ADAMTS17: variants seen among roughly 807,000 people sequenced by gnomAD.
The protein encoded by ADAMTS17 is ADAM metallopeptidase with thrombospondin type 1 motif 17.
A neutral mutation model predicts 141.5 loss-of-function variants in ADAMTS17; 113 were observed. The ratio of observed to expected loss-of-function variants is 0.80; its 90% CI spans 0.69 to 0.93. The LOEUF (loss-of-function observed/expected upper bound fraction) is 0.93. Among genes scored for constraint, ADAMTS17 ranks in the 40% least tolerant of loss-of-function variants. The pLI, the probability that ADAMTS17 is intolerant of heterozygous loss-of-function variation, is 0.00. For synonymous variants in ADAMTS17, 768 were observed against 630.6 expected, an observed-to-expected ratio of 1.22 and a Z score of -3.27; for missense variants, 1,659 against 1,517.9, an observed-to-expected ratio of 1.09 and a Z score of -1.54.
chr15:100,287,899 AC>A (rs2044498101), intron 3 of ADAMTS17, among the ~76,000 whole-genome samples: 2 of 152,266 alleles, frequency 1.3e-5, no homozygotes, highest in South Asian at 4.1e-4. Flanking sequence ...AATGGCCACC[AC>A]AAAAACGCAC....
intron 18 of ADAMTS17, among the ~76,000 whole-genome samples, chr15:100,001,671 T>C (rs1348874851): frequency 6.6e-6 from 1 of 151,994 alleles, no homozygotes; most frequent in Non-Finnish European, 1.5e-5. Flanking sequence ...CTACAAGTAC[T>C]CCACAGAATC....
At chr15:100,095,903 G>C (rs1443192062) in intron 15 of ADAMTS17, among the ~76,000 whole-genome samples, 1 of 152,220 alleles carries the variant, frequency 6.6e-6, no homozygotes, top group Non-Finnish European at 1.5e-5. Flanking sequence ...TGGCACCTGA[G>C]ACCTTCCAGA....
intron 3 of ADAMTS17, among the ~76,000 whole-genome samples, chr15:100,290,445 T>C (rs1487666479): frequency 6.6e-6 from 1 of 152,196 alleles, no homozygotes; most frequent in African/African-American, 2.4e-5. Flanking sequence ...AAGCAATTTA[T>C]AGATTCAATG....
At chr15:100,155,563 C>G (rs2039395743) in intron 8 of ADAMTS17, among the ~76,000 whole-genome samples, 1 of 152,170 alleles carries the variant, frequency 6.6e-6, no homozygotes, top group Non-Finnish European at 1.5e-5. Flanking sequence ...CACTAAATAA[C>G]AATAAATCAA....
intron 2 of ADAMTS17, among the ~76,000 whole-genome samples, chr15:100,338,350 A>G (rs924245498): frequency 6.6e-6 from 1 of 152,212 alleles, no homozygotes; most frequent in Non-Finnish European, 1.5e-5. Context: ...TCCATGCAAC[A>G]TGGAATAGAA....
At chr15:100,304,505 A>G (rs1439530033) in intron 3 of ADAMTS17, among the ~76,000 whole-genome samples, 3 of 152,190 alleles carry the variant, frequency 2.0e-5, no homozygotes, top group African/African-American at 7.2e-5. Flanking sequence ...GTCTTCATTC[A>G]TTATAAATCT....
At chr15:100,184,358 G>T (rs1463098174) in intron 8 of ADAMTS17, among the ~76,000 whole-genome samples, 1 of 152,232 alleles carries the variant, frequency 6.6e-6, no homozygotes, top group Non-Finnish European at 1.5e-5. Flanking sequence ...AAAATCCAGA[G>T]AATTCACCAT....
At chr15:100,286,580 T>G (rs2044455851) in intron 3 of ADAMTS17, among the ~76,000 whole-genome samples, 1 of 152,152 alleles carries the variant, frequency 6.6e-6, no homozygotes. Context: ...CTTAGCCCTC[T>G]GAAATCTTCC....
chr15:100,340,180 A>G (rs1182381733), intron 2 of ADAMTS17, among the ~76,000 whole-genome samples: 1 of 152,208 alleles, frequency 6.6e-6, no homozygotes, highest in East Asian at 1.9e-4. Context: ...TCGGGGCACG[A>G]TGGAGAAGCT....
At chr15:100,060,833 C>T (rs945732930) in intron 15 of ADAMTS17, among the ~76,000 whole-genome samples, 1 of 152,192 alleles carries the variant, frequency 6.6e-6, no homozygotes, top group Non-Finnish European at 1.5e-5. Context: ...GAATTGCTCC[C>T]AGCAAATGTG....
intron 8 of ADAMTS17, among the ~76,000 whole-genome samples, chr15:100,162,902 ATATATG>A (rs2039785342): frequency 6.8e-6 from 1 of 146,262 alleles, no homozygotes; most frequent in East Asian, 2.1e-4. Context: ...ATATAGAACT[ATATATG>A]TATATGTGTA....
intron 7 of ADAMTS17, among the ~76,000 whole-genome samples, chr15:100,214,418 C>T (rs369455275): frequency 9.5e-4 from 145 of 152,234 alleles, no homozygotes; most frequent in African/African-American, 3.3e-3. Context: ...TATCTGCTTT[C>T]CAGGCTGAAG....
chr15:100,125,109 C>T (rs140852278), intron 12 of ADAMTS17, among the ~76,000 whole-genome samples: 3 of 152,338 alleles, frequency 2.0e-5, no homozygotes, highest in Non-Finnish European at 2.9e-5. Context: ...ACGCTCAGTA[C>T]AAACCTGGCA....
At chr15:100,220,193 C>T (rs1173738960) in intron 7 of ADAMTS17, among the ~76,000 whole-genome samples, 1 of 151,908 alleles carries the variant, frequency 6.6e-6, no homozygotes, top group East Asian at 1.9e-4. Context: ...CGATGTCAGG[C>T]GTCCCTACCA....
chr15:100,338,906 T>C (rs777518430), intron 2 of ADAMTS17: 3 of 979,994 alleles, frequency 3.1e-6, no homozygotes, highest in Non-Finnish European at 3.6e-6. Flanking sequence ...TCCTGTTGCT[T>C]TCTTTTCTTT....
intron 7 of ADAMTS17, among the ~76,000 whole-genome samples, chr15:100,207,995 T>C (rs1395633416): frequency 2.6e-5 from 4 of 152,194 alleles, no homozygotes; most frequent in South Asian, 2.1e-4. Context: ...AATATACTGC[T>C]AGCTCTGAAG....
rs145856760 is a variant in ADAMTS17 at position 100,277,952 on chromosome 15, C to T, written c.789+3277G>A. On this transcript the variant is annotated intron_variant, in intron 4 of 21. Transcript: ENST00000268070. ...CACGTACGTGCAATGGGATACTACTCATCCTTAAAAAGGAAAGCCATCCTG... is the reference window on the plus strand; with the variant it reads ...CACGTACGTGCAATGGGATACTACTTATCCTTAAAAAGGAAAGCCATCCTG... Among the ~76,000 whole-genome samples the T allele has an allele frequency of 1.1e-3, 164 of 152,354 alleles. 1 individual carries two copies. The highest frequency in any genetic ancestry group is 3.6e-3 in the African/African-American group (151 of 41,586).
intron 18 of ADAMTS17, among the ~76,000 whole-genome samples, chr15:99,999,347 A>C (rs1386918429): frequency 6.6e-6 from 1 of 152,256 alleles, no homozygotes; most frequent in Non-Finnish European, 1.5e-5. Context: ...CAGCGTGAGC[A>C]GAACAGGGAG....
chr15:100,098,167 G>C (rs936738751), intron 14 of ADAMTS17, among the ~76,000 whole-genome samples: 1 of 152,148 alleles, frequency 6.6e-6, no homozygotes, highest in Non-Finnish European at 1.5e-5. Flanking sequence ...GGAGATGTAG[G>C]TAACACATCA....
Sources: gnomAD v4.1 joint callset for allele counts (sites outside exome capture counted in the v4.1 genomes callset) on GRCh38, gnomAD v4.1.1 for gene constraint, MANE v1.5 for transcripts, NCBI Gene and HGNC (gene_info 2026-07-23, HGNC 2026-07-21) for gene names.